Variants in RIPOR2 observed in about 807,000 individuals in gnomAD.
RIPOR2 encodes rho family-interacting cell polarization regulator 2.
Under a neutral mutation model 114.5 loss-of-function variants are expected in RIPOR2, and 39 were observed. The ratio of observed to expected loss-of-function variants is 0.34; its 90% CI spans 0.26 to 0.44. The LOEUF is 0.44. Ranked by LOEUF, RIPOR2 falls within the 20% of genes least tolerant of loss-of-function variation. RIPOR2 has a pLI of 1.00. For missense variants in RIPOR2, 1,007 were observed against 1,255.1 expected (o/e 0.80, Z 2.99); for synonymous variants, 445 against 484.4 (o/e 0.92, Z 1.07).
chr6:25,003,116 T>A (rs1458878387), intron 1 of RIPOR2, among the ~76,000 whole-genome samples: 2 of 152,174 alleles, frequency 1.3e-5, no homozygotes, highest in Non-Finnish European at 2.9e-5. Flanking sequence ...TCAAGCGGAT[T>A]AGATTGTAGA....
At chr6:25,012,297 G>A (rs546057201) in intron 1 of RIPOR2, among the ~76,000 whole-genome samples, 7 of 152,298 alleles carry the variant, frequency 4.6e-5, no homozygotes, top group South Asian at 4.1e-4. Flanking sequence ...AGATTCAGCC[G>A]CTGAGGAAAA....
chr6:24,991,175 G>A (rs1362243765), intron 1 of RIPOR2, among the ~76,000 whole-genome samples: 1 of 152,152 alleles, frequency 6.6e-6, no homozygotes, highest in Non-Finnish European at 1.5e-5. Flanking sequence ...ACCTCAGGTA[G>A]GTCTGGTCTT....
intron 7 of RIPOR2, among the ~76,000 whole-genome samples, chr6:24,864,767 T>G (rs1452329654): frequency 6.6e-6 from 1 of 151,998 alleles, no homozygotes; most frequent in Non-Finnish European, 1.5e-5. Flanking sequence ...ATGATAAAAA[T>G]TTCTCACAAT....
intron 1 of RIPOR2, among the ~76,000 whole-genome samples, chr6:24,901,908 G>C (rs1043939518): frequency 6.6e-6 from 1 of 152,194 alleles, no homozygotes; most frequent in Non-Finnish European, 1.5e-5. Flanking sequence ...GTTGTTCTGT[G>C]GTTTAAATGA....
At chr6:24,960,710 T>G (rs1458537878) in intron 1 of RIPOR2, among the ~76,000 whole-genome samples, 1 of 152,062 alleles carries the variant, frequency 6.6e-6, no homozygotes, top group African/African-American at 2.4e-5. Flanking sequence ...TTCCATTTTT[T>G]GTAGAGATGG....
At chr6:24,959,880 A>G (rs903241833) in intron 1 of RIPOR2, among the ~76,000 whole-genome samples, 1 of 152,184 alleles carries the variant, frequency 6.6e-6, no homozygotes. Context: ...TGGGGGGTCA[A>G]TGTTATGCCA....
chr6:25,027,458 G>C (rs1223061244), intron 1 of RIPOR2, among the ~76,000 whole-genome samples: 2 of 152,208 alleles, frequency 1.3e-5, no homozygotes, highest in African/African-American at 4.8e-5. Flanking sequence ...TAGACATGCT[G>C]TGCAGCGGTT....
intron 19 of RIPOR2, among the ~76,000 whole-genome samples, chr6:24,822,941 T>C (rs978702871): frequency 6.6e-6 from 1 of 152,206 alleles, no homozygotes; most frequent in East Asian, 1.9e-4. Flanking sequence ...AGAAGGCACA[T>C]TATAAAGCCA....
intron 1 of RIPOR2, among the ~76,000 whole-genome samples, chr6:24,941,027 A>G (rs764527592): frequency 3.9e-5 from 6 of 152,136 alleles, no homozygotes; most frequent in Non-Finnish European, 7.4e-5. Flanking sequence ...GTACAATCTC[A>G]TGAGGGTTGT....
chr6:24,895,897 G>A (rs886148202), intron 1 of RIPOR2, among the ~76,000 whole-genome samples: 2 of 152,048 alleles, frequency 1.3e-5, no homozygotes, highest in Non-Finnish European at 2.9e-5. Context: ...AGGCTGAGGC[G>A]GAAGAATGGC....
At chr6:24,927,354 C>T (rs1181553308) in intron 1 of RIPOR2, among the ~76,000 whole-genome samples, 1 of 135,094 alleles carries the variant, frequency 7.4e-6, no homozygotes, top group Non-Finnish European at 1.6e-5. Flanking sequence ...TCACCATCAT[C>T]GTGAATATCA....
intron 1 of RIPOR2, among the ~76,000 whole-genome samples, chr6:24,908,987 G>A (rs1404999053): frequency 6.6e-5 from 10 of 152,178 alleles, no homozygotes; most frequent in Non-Finnish European, 5.9e-5. Context: ...GAGTGTCAGA[G>A]GAAGAGAGAA....
intron 1 of RIPOR2, among the ~76,000 whole-genome samples, chr6:24,967,185 G>C (rs868577878): frequency 6.6e-6 from 1 of 152,196 alleles, no homozygotes; most frequent in African/African-American, 2.4e-5. Flanking sequence ...TATCATTATG[G>C]AACCTCAGAA....
rs192896406 is a variant in RIPOR2, at chr6:24,877,891, G to C, written c.62-2074C>G. ...AGTAGGGGTATGAGCCACAGTGGTG[G>C]GGTGGGTAGTTTGGCAGGAAGGACG... On this transcript the variant is annotated intron_variant, in intron 1 of 21. Coordinates refer to ENST00000643898, the MANE Select transcript of RIPOR2 (RefSeq NM_001286445.3). 1.2e-4 allele frequency among the ~76,000 whole-genome samples: 19 copies of C among 152,228 alleles called. No homozygotes were observed. The East Asian group carries it at 3.5e-3, about 28-fold the overall frequency.
At chr6:24,819,052 G>T (rs1482502593) in intron 19 of RIPOR2, among the ~76,000 whole-genome samples, 1 of 151,718 alleles carries the variant, frequency 6.6e-6, no homozygotes, top group Non-Finnish European at 1.5e-5. Flanking sequence ...CCTGCCCCTT[G>T]TCTCATGTGT....
intron 1 of RIPOR2, among the ~76,000 whole-genome samples, chr6:24,965,748 C>T (rs1057324671): frequency 6.6e-6 from 1 of 152,220 alleles, no homozygotes; most frequent in South Asian, 2.1e-4. Context: ...ATACACAAAA[C>T]AAATGTGTAG....
intron 1 of RIPOR2, chr6:24,948,208 T>G (rs1017427837): frequency 6.6e-6 from 1 of 152,176 alleles, no homozygotes; most frequent in Non-Finnish European, 1.5e-5. Context: ...GAAGAATTAG[T>G]CTTCGATTCT....
intron 1 of RIPOR2, chr6:24,876,930 A>T (rs1299277310): frequency 2.3e-5 from 22 of 975,774 alleles, no homozygotes; most frequent in Non-Finnish European, 2.7e-5. Context: ...CTTTTAGATC[A>T]GGAGGAGTCA....
chr6:24,830,616 C>T lies in RIPOR2; in HGVS notation c.2399G>A (p.Cys800Tyr), dbSNP rs1760594753. 2 of 1,551,564 alleles carry T rather than the reference C, an allele frequency of 1.3e-6. No homozygotes were observed. Among genetic ancestry groups the T allele is most frequent in the Non-Finnish European group, 1.7e-6 (2 of 1,146,978 alleles). Residue 800 changes from cysteine (C) to tyrosine (Y), a missense_variant, in exon 17 of 22, where the codon TGC (cysteine) becomes TAC (tyrosine). Transcript: ENST00000643898. Reference sequence around the variant, plus strand: ...GCTGTGGTAGACACCAACAGGGCTGCAGCACTTGGTCCAGAATGACAGCAA... The same window carrying T: ...GCTGTGGTAGACACCAACAGGGCTGTAGCACTTGGTCCAGAATGACAGCAA... ...LSLLSFWTKC[C>Y]SPVGVYHSPA... is the part of the protein sequence containing the mutation.
Sources: allele counts gnomAD v4.1 joint callset (sites outside exome capture counted in the v4.1 genomes callset), GRCh38; gene constraint gnomAD v4.1.1; transcripts MANE v1.5; gene names NCBI Gene and HGNC (gene_info 2026-07-23, HGNC 2026-07-21).